Variants in DGKB observed in about 807,000 individuals in gnomAD.
The protein encoded by DGKB is diacylglycerol kinase beta, also known as 90 kDa diacylglycerol kinase.
A neutral mutation model predicts 114.3 loss-of-function variants in DGKB; 67 were observed. The ratio of observed to expected loss-of-function variants is 0.59; its 90% confidence interval spans 0.48 to 0.72. The LOEUF (loss-of-function observed/expected upper bound fraction) is 0.72. DGKB is among the 30% of genes least tolerant of loss of function. The pLI is 0.00. For missense variants in DGKB, 907 were observed against 975.2 expected, an observed-to-expected ratio of 0.93 and a Z score of 0.93; for synonymous variants, 398 against 323.1, an observed-to-expected ratio of 1.23 and a Z score of -2.49.
intron 21 of DGKB, among the ~76,000 whole-genome samples, chr7:14,361,538 A>G (rs964065175): frequency 6.6e-6 from 1 of 152,004 alleles, no homozygotes; most frequent in Non-Finnish European, 1.5e-5. Flanking sequence ...TATAATTTAT[A>G]TAAAATATTC....
intron 13 of DGKB, among the ~76,000 whole-genome samples, chr7:14,639,746 G>C (rs1199988261): frequency 6.6e-6 from 1 of 152,144 alleles, no homozygotes; most frequent in Non-Finnish European, 1.5e-5. Context: ...CTTCATTATA[G>C]GTTGTTTTGT....
intron 1 of DGKB, among the ~76,000 whole-genome samples, chr7:14,920,253 A>G (rs558815004): frequency 6.6e-6 from 1 of 152,324 alleles, no homozygotes; most frequent in East Asian, 1.9e-4. Context: ...TGCAAATTAC[A>G]TATCTGATAA....
At chr7:14,878,399 G>A (rs926261357) in intron 1 of DGKB, among the ~76,000 whole-genome samples, 1 of 152,088 alleles carries the variant, frequency 6.6e-6, no homozygotes, top group Non-Finnish European at 1.5e-5. Flanking sequence ...TCCATAATTC[G>A]AAAGTAGGTG....
intron 2 of DGKB, among the ~76,000 whole-genome samples, chr7:14,769,070 T>TAAGA (rs5882458): frequency 0.15 from 12,539 of 84,022 alleles, 1,019 homozygotes; most frequent in Non-Finnish European, 0.19. Context: ...TTTTTAAAGA[T>TAAGA]AAGAAAGAAA....
rs202149875 is a variant in DGKB at position 14,493,927 on chromosome 7, C to CAA, written c.1771-15703_1771-15702insTT. ...ATACCATGGCTATCATGGTATCATA[C>CAA]ACACACACACACACACACACACACA... On this transcript the variant is annotated intron_variant, in intron 20 of 25. Coordinates refer to ENST00000402815, the MANE Select transcript of DGKB (RefSeq NM_001350709.2). Among the ~76,000 whole-genome samples, 572 of 132,218 alleles carry CAA rather than the reference C, an allele frequency of 4.3e-3. 3 individuals carry two copies. The highest frequency in any genetic ancestry group is 0.014 in the African/African-American group (472 of 33,502). The allele number at this position is 132,218 out of a possible 152,430, so 86.7% of individuals were successfully genotyped here.
intron 9 of DGKB, among the ~76,000 whole-genome samples, chr7:14,686,932 T>C (rs1196597905): frequency 6.6e-6 from 1 of 152,140 alleles, no homozygotes; most frequent in African/African-American, 2.4e-5. Flanking sequence ...AATAGAGACA[T>C]GTCTCCCTCC....
intron 2 of DGKB, among the ~76,000 whole-genome samples, chr7:14,810,535 A>C (rs1246801399): frequency 2.6e-5 from 4 of 152,240 alleles, no homozygotes; most frequent in Non-Finnish European, 5.9e-5. Flanking sequence ...CCCATATATT[A>C]ACAGTTCAAA....
intron 23 of DGKB, among the ~76,000 whole-genome samples, chr7:14,274,080 T>C (rs1475388528): frequency 6.6e-6 from 1 of 152,190 alleles, no homozygotes; most frequent in African/African-American, 2.4e-5. Flanking sequence ...TAGGAGTTCA[T>C]AAGTTGCTTT....
upstream of DGKB, among the ~76,000 whole-genome samples, chr7:14,903,900 T>C (rs1475931128): frequency 6.6e-6 from 1 of 152,146 alleles, no homozygotes; most frequent in Admixed American, 6.5e-5. Context: ...AGTCCCGTGG[T>C]TGCTCTTAAC....
At chr7:14,763,979 T>C (rs757917750) in intron 2 of DGKB, among the ~76,000 whole-genome samples, 21 of 151,934 alleles carry the variant, frequency 1.4e-4, no homozygotes, top group Non-Finnish European at 2.4e-4. Context: ...CATGGAAAAG[T>C]CATCTTTCGG....
chr7:14,334,755 T>C (rs1055719152), intron 23 of DGKB, among the ~76,000 whole-genome samples: 4 of 152,144 alleles, frequency 2.6e-5, no homozygotes, highest in African/African-American at 9.7e-5. Flanking sequence ...TGAATGAATT[T>C]ATTAGACATC....
chr7:14,698,401 G>A (rs1466906104), intron 7 of DGKB, among the ~76,000 whole-genome samples: 1 of 151,968 alleles, frequency 6.6e-6, no homozygotes, highest in Non-Finnish European at 1.5e-5. Flanking sequence ...ACCAGGAGAG[G>A]GCACAACTTT....
At chr7:14,358,884 T>C (rs368251547) in intron 21 of DGKB, among the ~76,000 whole-genome samples, 3 of 152,118 alleles carry the variant, frequency 2.0e-5, no homozygotes, top group East Asian at 1.9e-4. Context: ...AGGTAATTTA[T>C]AGATTCAATG....
At chr7:14,928,658 A>G (rs182993276) in intron 1 of DGKB, among the ~76,000 whole-genome samples, 1 of 150,738 alleles carries the variant, frequency 6.6e-6, no homozygotes, top group Non-Finnish European at 1.5e-5. Context: ...TTCATTTTTT[A>G]TTTATTTTAT....
chr7:14,621,274 A>C (rs2128815394), intron 15 of DGKB, 104 bp downstream of exon 15: 1 of 680,804 alleles, frequency 1.5e-6, no homozygotes, highest in South Asian at 1.8e-5. Context: ...TACTAAGCTA[A>C]TATGCAGATT....
intron 1 of DGKB, among the ~76,000 whole-genome samples, chr7:14,847,313 A>T (rs1586887965): frequency 6.8e-6 from 1 of 148,048 alleles, no homozygotes; most frequent in African/African-American, 2.5e-5. Context: ...AAAAAAAGAC[A>T]TACTGAAGAA....
intron 2 of DGKB, among the ~76,000 whole-genome samples, chr7:14,787,443 A>T (rs1277048194): frequency 1.3e-5 from 2 of 152,202 alleles, no homozygotes; most frequent in Admixed American, 6.5e-5. Context: ...TCCATAAGTT[A>T]GCTGAGACTT....
At chr7:14,500,476 T>C (rs1276986690) in intron 20 of DGKB, among the ~76,000 whole-genome samples, 2 of 100,472 alleles carry the variant, frequency 2.0e-5, no homozygotes, top group Non-Finnish European at 3.7e-5. Flanking sequence ...GTTTCTTTAT[T>C]TTTTTTTTTG....
chr7:14,170,145 AAAAGAAAGAAAGAAAGAAAGAAAG>A (rs58897814), intron 25 of DGKB, among the ~76,000 whole-genome samples: 3,175 of 100,002 alleles, frequency 0.032, 219 homozygotes, highest in African/African-American at 0.099. Context: ...AAAAAAAAAA[AAAAGAAAGAAAGAAAGAAAGAAAG>A]AAAGAAAGAA....
Sources: gnomAD v4.1 joint callset for allele counts (sites outside exome capture counted in the v4.1 genomes callset) on GRCh38, gnomAD v4.1.1 for gene constraint, MANE v1.5 for transcripts, NCBI Gene and HGNC (gene_info 2026-07-23, HGNC 2026-07-21) for gene names.